AGBL4: variants seen among roughly 807,000 people sequenced by gnomAD.
The protein encoded by AGBL4 is cytosolic carboxypeptidase 6.
In AGBL4, 58 loss-of-function variants were observed where a neutral mutation model predicts 66.4. The ratio of observed to expected loss-of-function variants is 0.87; its 90% CI spans 0.71 to 1.09. AGBL4 has a LOEUF of 1.09. AGBL4 is among the 50% of genes least tolerant of loss of function. The pLI, the probability that AGBL4 is intolerant of heterozygous loss-of-function variation, is 0.00. For synonymous variants in AGBL4, 234 were observed against 222.9 expected (o/e 1.05, Z -0.44); for missense variants, 579 against 631.0 (o/e 0.92, Z 0.88).
chr1:49,552,852 C>T (rs1029084261), intron 3 of AGBL4, among the ~76,000 whole-genome samples: 4 of 152,180 alleles, frequency 2.6e-5, no homozygotes, highest in African/African-American at 9.7e-5. Context: ...GATTCCTATA[C>T]TCCTTGTTAA....
chr1:49,007,635 G>A (rs1003999075), intron 5 of AGBL4, among the ~76,000 whole-genome samples: 91 of 151,986 alleles, frequency 6.0e-4, no homozygotes, highest in African/African-American at 2.0e-3. Context: ...GAGAAAGGTC[G>A]GGTTACCCTC....
At chr1:48,997,567 T>G (rs1337710047) in intron 5 of AGBL4, among the ~76,000 whole-genome samples, 1 of 152,122 alleles carries the variant, frequency 6.6e-6, no homozygotes, top group African/African-American at 2.4e-5. Flanking sequence ...TTGCACATGA[T>G]CTGGCCTCAT....
chr1:49,395,851 A>ATGTG (rs1644961012), intron 3 of AGBL4, among the ~76,000 whole-genome samples: 1 of 23,542 alleles, frequency 4.2e-5, no homozygotes, highest in African/African-American at 2.3e-4. Context: ...ATATATATAC[A>ATGTG]CACATAAATA....
chr1:50,021,516 C>A (rs1289025369), intron 1 of AGBL4, among the ~76,000 whole-genome samples: 2 of 152,148 alleles, frequency 1.3e-5, no homozygotes, highest in African/African-American at 4.8e-5. Flanking sequence ...CTCCCTATCC[C>A]AATAATGGCA....
At chr1:49,557,976 G>A (rs1349731686) in intron 3 of AGBL4, among the ~76,000 whole-genome samples, 1 of 151,830 alleles carries the variant, frequency 6.6e-6, no homozygotes, top group Admixed American at 6.6e-5. Flanking sequence ...GTTAAGAGTA[G>A]TGAGGCCTTA....
chr1:49,116,267 C>T lies in AGBL4; in HGVS notation c.378-70467G>A, dbSNP rs181474612. 3.9e-3 allele frequency among the ~76,000 whole-genome samples: 592 copies of T among 152,204 alleles called. 4 individuals carry two copies. The highest frequency in any genetic ancestry group is 0.013 in the African/African-American group (553 of 41,524). On this transcript the variant is annotated intron_variant, in intron 4 of 13. Coordinates refer to ENST00000371839, the MANE Select transcript of AGBL4 (RefSeq NM_032785.4). ...TAAGTTCTAGGGTACATGTGCACAACGTGCAGGTTTGTTACATAGGTATAC... is the reference window on the plus strand; with the variant it reads ...TAAGTTCTAGGGTACATGTGCACAATGTGCAGGTTTGTTACATAGGTATAC...
intron 6 of AGBL4, among the ~76,000 whole-genome samples, chr1:48,784,259 T>C (rs1007330131): frequency 5.9e-5 from 9 of 152,178 alleles, no homozygotes; most frequent in Non-Finnish European, 1.0e-4. Context: ...GTTAAAATAA[T>C]TATTATAGTT....
chr1:49,947,747 C>G (rs1343946157), intron 1 of AGBL4, among the ~76,000 whole-genome samples: 1 of 150,166 alleles, frequency 6.7e-6, no homozygotes, highest in Non-Finnish European at 1.5e-5. Context: ...AAGAGGAAGT[C>G]AAACTGTCAC....
At chr1:49,620,343 G>C (rs1274848081) in intron 3 of AGBL4, among the ~76,000 whole-genome samples, 2 of 152,088 alleles carry the variant, frequency 1.3e-5, no homozygotes, top group African/African-American at 4.8e-5. Context: ...AGACATTCAT[G>C]TGGCCAACAA....
At chr1:49,572,419 C>A (rs1337100525) in intron 3 of AGBL4, among the ~76,000 whole-genome samples, 1 of 152,150 alleles carries the variant, frequency 6.6e-6, no homozygotes, top group Non-Finnish European at 1.5e-5. Context: ...TGTCTTGTTA[C>A]ATTTCTTATT....
At chr1:49,307,189 G>A (rs1278497784) in intron 3 of AGBL4, among the ~76,000 whole-genome samples, 10 of 152,056 alleles carry the variant, frequency 6.6e-5, no homozygotes, top group Non-Finnish European at 1.5e-5. Context: ...TGGAAAGTCT[G>A]GCCCTTTTCC....
chr1:48,862,775 C>T (rs182136830), intron 6 of AGBL4, among the ~76,000 whole-genome samples: 1 of 152,282 alleles, frequency 6.6e-6, no homozygotes, highest in Admixed American at 6.5e-5. Context: ...TGCTGTTTTG[C>T]ATGCTTTTAA....
intron 11 of AGBL4, among the ~76,000 whole-genome samples, chr1:48,562,401 T>A (rs756119225): frequency 6.6e-6 from 1 of 152,158 alleles, no homozygotes; most frequent in Non-Finnish European, 1.5e-5. Flanking sequence ...TTCCTCCAAC[T>A]CTCTCTTCTC....
chr1:49,926,075 C>G (rs1013500684), intron 1 of AGBL4, among the ~76,000 whole-genome samples: 1 of 152,176 alleles, frequency 6.6e-6, no homozygotes, highest in Non-Finnish European at 1.5e-5. Context: ...TCGAGCAAGA[C>G]TCAGGGCTAT....
chr1:48,904,462 G>C (rs970015587), intron 5 of AGBL4, among the ~76,000 whole-genome samples: 1 of 152,134 alleles, frequency 6.6e-6, no homozygotes, highest in Non-Finnish European at 1.5e-5. Context: ...ATGTTTATTT[G>C]ACAGTTTAAG....
intron 6 of AGBL4, among the ~76,000 whole-genome samples, chr1:48,816,364 A>G (rs1646178629): frequency 6.6e-6 from 1 of 152,188 alleles, no homozygotes; most frequent in Admixed American, 6.5e-5. Flanking sequence ...ATGGCAGAAC[A>G]GCCAGATTTT....
intron 3 of AGBL4, among the ~76,000 whole-genome samples, chr1:49,641,599 G>A (rs984689853): frequency 4.6e-5 from 7 of 152,124 alleles, no homozygotes; most frequent in South Asian, 2.1e-4. Context: ...ATGGTCAGAC[G>A]AGTAATGGTT....
chr1:48,901,153 AT>A (rs1277712294), intron 5 of AGBL4, among the ~76,000 whole-genome samples: 1 of 152,222 alleles, frequency 6.6e-6, no homozygotes, highest in Non-Finnish European at 1.5e-5. Context: ...GAAAATGCAA[AT>A]TAAAACCACA....
intron 4 of AGBL4, among the ~76,000 whole-genome samples, chr1:49,195,853 T>C (rs1647227436): frequency 6.6e-6 from 1 of 152,158 alleles, no homozygotes; most frequent in Non-Finnish European, 1.5e-5. Flanking sequence ...ACGATCATCA[T>C]GTATCTAGGG....
Sources: allele counts gnomAD v4.1 joint callset (sites outside exome capture counted in the v4.1 genomes callset), GRCh38; gene constraint gnomAD v4.1.1; transcripts MANE v1.5; gene names NCBI Gene and HGNC (gene_info 2026-07-23, HGNC 2026-07-21).